Variants in TCF7L2 observed in about 807,000 individuals in gnomAD.
TCF7L2 encodes transcription factor 7-like 2.
Under a neutral mutation model 77.9 loss-of-function variants are expected in TCF7L2, and 23 were observed. That is an observed-to-expected ratio of 0.30 (90% CI 0.21 to 0.42). The LOEUF (loss-of-function observed/expected upper bound fraction) is 0.42, where lower values mean the gene tolerates loss of function less well. TCF7L2 is among the 10% of genes least tolerant of loss of function. The pLI is 1.00. For missense variants in TCF7L2, 654 were observed against 793.1 expected, an observed-to-expected ratio of 0.82 and a Z score of 2.11; for synonymous variants, 413 against 340.2, an observed-to-expected ratio of 1.21 and a Z score of -2.36.
intron 5 of TCF7L2, among the ~76,000 whole-genome samples, chr10:113,064,672 T>C (rs1477746104): frequency 6.6e-6 from 1 of 152,244 alleles, no homozygotes; most frequent in Non-Finnish European, 1.5e-5. Flanking sequence ...TAAGTACCCT[T>C]GTGCAAAAGT....
intron 5 of TCF7L2, among the ~76,000 whole-genome samples, chr10:113,049,013 A>G (rs1218541367): frequency 6.6e-6 from 1 of 152,174 alleles, no homozygotes; most frequent in Non-Finnish European, 1.5e-5. Context: ...CTTGAGGTGT[A>G]CTGGAAACTA....
intron 5 of TCF7L2, among the ~76,000 whole-genome samples, chr10:113,135,408 C>G (rs2067253499): frequency 6.6e-6 from 1 of 152,094 alleles, no homozygotes. Context: ...ATTCAATGCT[C>G]AAAACCCATG....
chr10:113,155,665 A>G (rs2071721798), intron 11 of TCF7L2, among the ~76,000 whole-genome samples: 1 of 152,228 alleles, frequency 6.6e-6, no homozygotes, highest in African/African-American at 2.4e-5. Context: ...CATGGCTGAG[A>G]AGCCCTTGGG....
chr10:113,084,277 T>G (rs576269526), intron 5 of TCF7L2, among the ~76,000 whole-genome samples: 2 of 152,226 alleles, frequency 1.3e-5, no homozygotes, highest in African/African-American at 4.8e-5. Flanking sequence ...GAGTCCATGG[T>G]GCAGCTCTAG....
rs776048518 is a variant in TCF7L2 at position 113,151,745 on chromosome 10, A to G, written c.1022A>G (p.Lys341Arg). 3 of 1,602,132 alleles carry G rather than the reference A, an allele frequency of 1.9e-6. No individual in the cohort carries two copies. In the South Asian group the frequency reaches 3.4e-5, roughly 18 times the overall value. ...TCCAGAAAGCATCAGGACTCCAAAAAGGAAGAAGAAAAGAAGAAGCCCCAC... is the reference window on the plus strand; with the variant it reads ...TCCAGAAAGCATCAGGACTCCAAAAGGGAAGAAGAAAAGAAGAAGCCCCAC... Residue 341 changes from lysine to arginine, a missense_variant, in exon 10 of 14, where the codon AAG becomes AGG. By Grantham distance (26) the Lys-to-Arg change is conservative. This residue lies in a region of TCF7L2 where 179 missense variants were observed against 270.6 expected (regional missense o/e 0.66). Transcript: ENST00000627217. The surrounding 1 kb of genome is among the most constrained non-coding windows in gnomAD (Gnocchi z 5.2).
chr10:113,039,907 G>T, intron 4 of TCF7L2, 118 bp from the exon 5 acceptor site: 1 of 802,560 alleles, frequency 1.2e-6, no homozygotes, highest in Non-Finnish European at 2.0e-6. Context: ...ATGATTATTT[G>T]CATGCTTGTA....
Position 113,165,665 on chromosome 10 carries a change from G to A in TCF7L2, c.1502G>A (p.Gly501Asp). The change falls in exon 14 of 14, where the codon GGC becomes GAC. Residue 501 changes from glycine (G) to aspartate (D), a missense_variant. Physicochemically the swap from Gly to Asp is moderately conservative, Grantham distance 94 (BLOSUM62 -1). Coordinates refer to ENST00000627217, the MANE Select transcript of TCF7L2 (RefSeq NM_001146274.2). ...CCTCCCCCCTCCCCGAACCTGCTAG[G>A]CTCCCCTCCCCGAGACGCCAAGTCA... The A allele has an allele frequency of 6.2e-7, 1 of 1,610,138 alleles. No individual in the cohort carries two copies. The highest frequency in any genetic ancestry group is 8.5e-7 in the Non-Finnish European group (1 of 1,178,426).
At chr10:113,147,861 G>A (rs984712109) in intron 8 of TCF7L2, among the ~76,000 whole-genome samples, 1 of 152,154 alleles carries the variant, frequency 6.6e-6, no homozygotes, top group African/African-American at 2.4e-5. Flanking sequence ...GGTGGGCATG[G>A]GGGTGGAGGA....
At chr10:113,052,335 G>C (rs921133463) in intron 5 of TCF7L2, among the ~76,000 whole-genome samples, 2 of 152,150 alleles carry the variant, frequency 1.3e-5, no homozygotes, top group Non-Finnish European at 2.9e-5. Flanking sequence ...TTCTGCCAAG[G>C]CTGAAAGAGG....
At chr10:113,140,599 C>T (rs573580922) in intron 5 of TCF7L2, among the ~76,000 whole-genome samples, 1 of 152,284 alleles carries the variant, frequency 6.6e-6, no homozygotes, top group East Asian at 1.9e-4. Context: ...TTCACACTCC[C>T]ACCCAAACCG....
intron 5 of TCF7L2, among the ~76,000 whole-genome samples, chr10:113,121,681 CAA>C (rs1235653243): frequency 6.6e-6 from 1 of 152,058 alleles, no homozygotes; most frequent in Non-Finnish European, 1.5e-5. Flanking sequence ...CCCCTTCTCT[CAA>C]TATATATATT....
chr10:113,037,992 T>C (rs2051651377), intron 4 of TCF7L2, among the ~76,000 whole-genome samples: 2 of 152,124 alleles, frequency 1.3e-5, no homozygotes, highest in Admixed American at 1.3e-4. Flanking sequence ...TGGGATGAGA[T>C]GGGGCAGTTT....
At chr10:113,062,350 T>C (rs2056597573) in intron 5 of TCF7L2, among the ~76,000 whole-genome samples, 1 of 152,156 alleles carries the variant, frequency 6.6e-6, no homozygotes, top group South Asian at 2.1e-4. Context: ...TTCTTGTCTC[T>C]TGCTTCCCAA....
chr10:113,054,971 G>A (rs1379212981), intron 5 of TCF7L2, among the ~76,000 whole-genome samples: 1 of 151,584 alleles, frequency 6.6e-6, no homozygotes, highest in African/African-American at 2.4e-5. Flanking sequence ...CTGCTCTGTA[G>A]TATTTATTGT....
intron 3 of TCF7L2, among the ~76,000 whole-genome samples, chr10:112,960,832 C>T (rs531719617): frequency 3.1e-4 from 45 of 146,978 alleles, no homozygotes; most frequent in Middle Eastern, 4.3e-3. Context: ...GGATTATAGG[C>T]GCACACCACC....
chr10:112,953,679 A>G (rs890567121), intron 3 of TCF7L2, among the ~76,000 whole-genome samples: 6 of 152,328 alleles, frequency 3.9e-5, no homozygotes, highest in Admixed American at 1.3e-4. Context: ...AAACTTGAGC[A>G]GTTGTGTTGT....
Position 113,089,542 on chromosome 10 carries a change from T to A in TCF7L2, c.552+49416T>A, listed in dbSNP as rs368446452. ...GTTGGGGAGCCCTGGTGTATTGAGGTAGGTCTCGGAGCAGAATCACGGTAT... is the reference window on the plus strand; with the variant it reads ...GTTGGGGAGCCCTGGTGTATTGAGGAAGGTCTCGGAGCAGAATCACGGTAT... On this transcript the variant is annotated intron_variant, in intron 5 of 13. Coordinates refer to ENST00000627217, the MANE Select transcript of TCF7L2 (RefSeq NM_001146274.2). 1.5e-5 allele frequency: 25 copies of A among 1,613,330 alleles called. No individual in the cohort carries two copies. The African/African-American group carries it at 3.2e-4, about 21-fold the overall frequency.
At chr10:112,984,968 A>G (rs1460713877) in intron 4 of TCF7L2, among the ~76,000 whole-genome samples, 1 of 152,216 alleles carries the variant, frequency 6.6e-6, no homozygotes, top group African/African-American at 2.4e-5. Flanking sequence ...TGGGGACTCA[A>G]GTCAGCAGTG....
intron 4 of TCF7L2, among the ~76,000 whole-genome samples, chr10:113,023,691 C>T (rs937064180): frequency 6.6e-5 from 10 of 150,962 alleles, no homozygotes; most frequent in African/African-American, 1.7e-4. Flanking sequence ...TTTTTTGAGA[C>T]GGAGTCTCGC....
Sources: allele counts gnomAD v4.1 joint callset (sites outside exome capture counted in the v4.1 genomes callset), GRCh38; gene constraint gnomAD v4.1.1; regional missense constraint gnomAD v4.1.1; non-coding constraint Gnocchi (gnomAD v3.1); transcripts MANE v1.5; gene names NCBI Gene and HGNC (gene_info 2026-07-23, HGNC 2026-07-21).